Variants in PPP2R2C observed in about 807,000 individuals in gnomAD.
The protein encoded by PPP2R2C is protein phosphatase 2 regulatory subunit Bgamma.
A neutral mutation model predicts 45.3 loss-of-function variants in PPP2R2C; 10 were observed. That is an observed-to-expected ratio of 0.22 (90% confidence interval 0.14 to 0.37). The LOEUF is 0.37. Ranked by LOEUF, PPP2R2C falls within the 10% of genes least tolerant of loss-of-function variation. The pLI is 1.00. For synonymous variants in PPP2R2C, 257 were observed against 245.4 expected (o/e 1.05, Z -0.44); for missense variants, 308 against 619.7 (o/e 0.50, Z 5.34).
At chr4:6,428,329 A>G (rs571810782) in intron 1 of PPP2R2C, among the ~76,000 whole-genome samples, 8 of 152,334 alleles carry the variant, frequency 5.3e-5, no homozygotes, top group East Asian at 3.9e-4. Flanking sequence ...GAGCAACTCC[A>G]TAAGACCTGC....
chr4:6,392,373 A>G (rs1716705848), intron 1 of PPP2R2C, among the ~76,000 whole-genome samples: 1 of 152,050 alleles, frequency 6.6e-6, no homozygotes, highest in Admixed American at 6.6e-5. Flanking sequence ...TTTCATGTCA[A>G]TAAATAGCTC....
chr4:6,551,289 G>T (rs1367223741), intron 1 of PPP2R2C, among the ~76,000 whole-genome samples: 1 of 152,204 alleles, frequency 6.6e-6, no homozygotes, highest in Non-Finnish European at 1.5e-5. Flanking sequence ...GTGCTCTCTG[G>T]GTTTCCAGCA....
chr4:6,499,862 C>T (rs79439124), intron 2 of PPP2R2C, among the ~76,000 whole-genome samples: 1,647 of 152,216 alleles, frequency 0.011, 17 homozygotes, highest in South Asian at 0.031. Context: ...CCACTGACCA[C>T]CCAATGCAAG....
intron 1 of PPP2R2C, among the ~76,000 whole-genome samples, chr4:6,455,808 C>T (rs947175504): frequency 2.0e-4 from 31 of 152,286 alleles, no homozygotes; most frequent in Admixed American, 1.6e-3. Context: ...CCCATAATGT[C>T]CCTCCTGCCA....
chr4:6,347,341 T>C (rs1047601672), intron 6 of PPP2R2C, among the ~76,000 whole-genome samples: 1 of 152,052 alleles, frequency 6.6e-6, no homozygotes, highest in African/African-American at 2.4e-5. Flanking sequence ...CGGATACCCC[T>C]GTGGGACCCC....
intron 2 of PPP2R2C, among the ~76,000 whole-genome samples, chr4:6,524,190 G>A (rs1452797328): frequency 9.9e-5 from 15 of 152,120 alleles, no homozygotes; most frequent in South Asian, 2.1e-4. Context: ...CCAAAGTGCC[G>A]GAATTACAGG....
intron 1 of PPP2R2C, among the ~76,000 whole-genome samples, chr4:6,428,037 T>C (rs1377957415): frequency 6.6e-6 from 1 of 152,228 alleles, no homozygotes; most frequent in Non-Finnish European, 1.5e-5. Flanking sequence ...GAACAAGCTG[T>C]GCCCACACCT....
At chr4:6,433,384 C>T (rs1446454261) in intron 1 of PPP2R2C, among the ~76,000 whole-genome samples, 1 of 152,192 alleles carries the variant, frequency 6.6e-6, no homozygotes, top group African/African-American at 2.4e-5. Context: ...GTTTCCATTT[C>T]TCCAGCCCCG....
chr4:6,448,466 C>T (rs1468669040), intron 1 of PPP2R2C, among the ~76,000 whole-genome samples: 1 of 152,020 alleles, frequency 6.6e-6, no homozygotes, highest in Admixed American at 6.6e-5. Flanking sequence ...GGCCCCACCT[C>T]CAGAGAGTTC....
At chr4:6,399,127 G>A (rs996499166) in intron 1 of PPP2R2C, among the ~76,000 whole-genome samples, 8 of 152,178 alleles carry the variant, frequency 5.3e-5, no homozygotes, top group Non-Finnish European at 8.8e-5. Flanking sequence ...AACAGGAAAC[G>A]TTTTGTGGGT....
chr4:6,558,576 T>G (rs1725486947), intron 1 of PPP2R2C, among the ~76,000 whole-genome samples: 1 of 152,216 alleles, frequency 6.6e-6, no homozygotes, highest in African/African-American at 2.4e-5. Context: ...AACTCTGTGC[T>G]TGGGTCAAAC....
At chr4:6,363,032 G>C (rs1343180932) in intron 5 of PPP2R2C, among the ~76,000 whole-genome samples, 1 of 152,194 alleles carries the variant, frequency 6.6e-6, no homozygotes, top group Non-Finnish European at 1.5e-5. Context: ...TCAGAACACC[G>C]TGTGACACAG....
At chr4:6,560,852 T>A (rs1027942038) in intron 1 of PPP2R2C, among the ~76,000 whole-genome samples, 1 of 152,216 alleles carries the variant, frequency 6.6e-6, no homozygotes, top group South Asian at 2.1e-4. Flanking sequence ...GCATGGAGCG[T>A]GTGCTCCTGC....
At chr4:6,469,519 A>G (rs10937735) in intron 1 of PPP2R2C, among the ~76,000 whole-genome samples, 79,456 of 152,064 alleles carry the variant, frequency 0.52, 21,816 homozygotes, top group Middle Eastern at 0.66. Flanking sequence ...TAACAATGCC[A>G]TGTGTTCAAT....
chr4:6,366,181 G>A (rs955051041), intron 5 of PPP2R2C, among the ~76,000 whole-genome samples: 1 of 152,194 alleles, frequency 6.6e-6, no homozygotes, highest in Non-Finnish European at 1.5e-5. Flanking sequence ...TTATGTGAAA[G>A]ATTTCTTTAT....
At chr4:6,519,592 C>G (rs1371530298) in intron 2 of PPP2R2C, among the ~76,000 whole-genome samples, 1 of 152,356 alleles carries the variant, frequency 6.6e-6, no homozygotes. Flanking sequence ...TGTGCCTCCA[C>G]TACTCAGTGG....
At chr4:6,496,574 G>A (rs1431601856) in intron 2 of PPP2R2C, among the ~76,000 whole-genome samples, 4 of 152,228 alleles carry the variant, frequency 2.6e-5, no homozygotes, top group African/African-American at 9.6e-5. Flanking sequence ...GTTAAAGTCT[G>A]TGATAGGCTG....
At chr4:6,555,619 C>A (rs1200790071) in intron 1 of PPP2R2C, 1 of 152,286 alleles carries the variant, frequency 6.6e-6, no homozygotes, top group South Asian at 2.1e-4. Context: ...TGAGAGTGAA[C>A]CCCACGGGCG....
chr4:6,532,590 T>G (rs1724442192), intron 2 of PPP2R2C, among the ~76,000 whole-genome samples: 1 of 152,290 alleles, frequency 6.6e-6, no homozygotes, highest in African/African-American at 2.4e-5. Context: ...CCACTCTGCG[T>G]TTTTAAAAGG....
Sources: gnomAD v4.1 joint callset for allele counts (sites outside exome capture counted in the v4.1 genomes callset) on GRCh38, gnomAD v4.1.1 for gene constraint, MANE v1.5 for transcripts, NCBI Gene and HGNC (gene_info 2026-07-23, HGNC 2026-07-21) for gene names.